Variants in ADCY5 observed in about 807,000 individuals in gnomAD.
The protein encoded by ADCY5 is adenylate cyclase type 5.
ADCY5 carries 30 observed loss-of-function variants against 119.7 expected under a neutral mutation model. That is an observed-to-expected ratio of 0.25 (90% confidence interval 0.19 to 0.34). ADCY5 has a LOEUF of 0.34. ADCY5 is among the 10% of genes least tolerant of loss of function. The pLI, the probability that ADCY5 is intolerant of heterozygous loss-of-function variation, is 1.00. For synonymous variants in ADCY5, 753 were observed against 762.2 expected (o/e 0.99, Z 0.20); for missense variants, 1,324 against 1,775.2 (o/e 0.75, Z 4.57).
chr3:123,428,601 G>A (rs762725286), intron 1 of ADCY5, among the ~76,000 whole-genome samples: 11 of 152,180 alleles, frequency 7.2e-5, no homozygotes, highest in Non-Finnish European at 1.5e-4. Context: ...ACCTCCTGGT[G>A]CAGTGAACAT....
intron 2 of ADCY5, among the ~76,000 whole-genome samples, chr3:123,349,654 C>T (rs1413290024): frequency 2.0e-5 from 3 of 152,172 alleles, no homozygotes; most frequent in African/African-American, 4.8e-5. Context: ...CCCATGTCCC[C>T]CTACCCCCTT....
chr3:123,332,751 T>G, intron 3 of ADCY5, 76 bp from the exon 4 acceptor site: 1 of 994,022 alleles, frequency 1.0e-6, no homozygotes, highest in South Asian at 1.4e-5. Flanking sequence ...CATTACATCT[T>G]TTTTTTCTTT....
intron 12 of ADCY5, among the ~76,000 whole-genome samples, chr3:123,310,450 G>T (rs953076617): frequency 1.3e-5 from 2 of 152,296 alleles, no homozygotes; most frequent in Non-Finnish European, 2.9e-5. Flanking sequence ...TATCCCTGGA[G>T]GTGATCAAGC....
chr3:123,353,161 T>C (rs986428646), intron 1 of ADCY5, among the ~76,000 whole-genome samples: 2 of 152,228 alleles, frequency 1.3e-5, no homozygotes, highest in Non-Finnish European at 2.9e-5. Flanking sequence ...CTGGTCTTTC[T>C]GTTGCCAGCT....
chr3:123,391,265 G>A (rs945228056), intron 1 of ADCY5, among the ~76,000 whole-genome samples: 1 of 152,280 alleles, frequency 6.6e-6, no homozygotes, highest in South Asian at 2.1e-4. Flanking sequence ...TTCAAAGCAC[G>A]TGCCACTCCT....
chr3:123,289,115 A>G (rs183450180), intron 19 of ADCY5, among the ~76,000 whole-genome samples: 1 of 152,340 alleles, frequency 6.6e-6, no homozygotes, highest in Admixed American at 6.5e-5. Context: ...TCACTATCAC[A>G]TGATTCTTTA....
chr3:123,328,623 C>G (rs1483300856), intron 6 of ADCY5, 21 bp downstream of exon 6: 1 of 1,612,096 alleles, frequency 6.2e-7, no homozygotes, highest in Non-Finnish European at 8.5e-7. Flanking sequence ...GGGCCCCAAG[C>G]CACCCACAGC....
intron 11 of ADCY5, among the ~76,000 whole-genome samples, chr3:123,314,908 C>G (rs1028383794): frequency 6.6e-6 from 1 of 150,650 alleles, no homozygotes; most frequent in Non-Finnish European, 1.5e-5. Context: ...GGTCCCACAA[C>G]AAGTCCCGCA....
chr3:123,343,420 T>TTGGGTGG (rs1453301753), intron 3 of ADCY5, among the ~76,000 whole-genome samples: 7 of 152,206 alleles, frequency 4.6e-5, no homozygotes, highest in African/African-American at 1.7e-4. Flanking sequence ...ATTAGGTGCC[T>TTGGGTGG]TGCCCAAGTT....
At chr3:123,317,919 G>A in intron 11 of ADCY5, 101 bp downstream of exon 11, 1 of 1,108,886 alleles carries the variant, frequency 9.0e-7, no homozygotes, top group Non-Finnish European at 1.3e-6. Context: ...AGCAAGTGCA[G>A]GCCAGACTCC....
chr3:123,403,853 T>G (rs1944836187), intron 1 of ADCY5, among the ~76,000 whole-genome samples: 2 of 152,172 alleles, frequency 1.3e-5, no homozygotes, highest in African/African-American at 4.8e-5. Flanking sequence ...TGGCTCTCAA[T>G]CTCATCCCTC....
chr3:123,418,794 G>C (rs539537679), intron 1 of ADCY5: 1 of 152,314 alleles, frequency 6.6e-6, no homozygotes, highest in East Asian at 1.9e-4. Flanking sequence ...ATTCAGGTGG[G>C]CGTTATCAAA....
intron 1 of ADCY5, among the ~76,000 whole-genome samples, chr3:123,395,930 A>AGAAGGAAGGAAGGAAGGAAG (rs909657839): frequency 1.1e-3 from 160 of 146,216 alleles, no homozygotes; most frequent in African/African-American, 3.9e-3. Flanking sequence ...AGGAGTGGAG[A>AGAAGGAAGGAAGGAAGGAAG]GAAGGAAGGA....
chr3:123,393,154 C>T (rs948295515), intron 1 of ADCY5, among the ~76,000 whole-genome samples: 5 of 152,168 alleles, frequency 3.3e-5, no homozygotes, highest in Admixed American at 6.5e-5. Context: ...CAAAAGAGCC[C>T]GGGGTCGAGA....
intron 18 of ADCY5, among the ~76,000 whole-genome samples, chr3:123,290,822 T>C (rs182049915): frequency 1.0e-3 from 156 of 152,288 alleles, no homozygotes; most frequent in African/African-American, 3.7e-3. Context: ...TCAAACAGTG[T>C]GGGCTGAAAC....
intron 1 of ADCY5, among the ~76,000 whole-genome samples, chr3:123,374,883 G>A (rs1468644320): frequency 3.9e-5 from 6 of 152,190 alleles, no homozygotes; most frequent in Admixed American, 1.3e-4. Flanking sequence ...TGACAGAGAC[G>A]GAAAGTTGAG....
intron 1 of ADCY5, among the ~76,000 whole-genome samples, chr3:123,364,099 G>A (rs559591749): frequency 6.6e-6 from 1 of 152,250 alleles, no homozygotes; most frequent in South Asian, 2.1e-4. Context: ...ATTTCAAAAT[G>A]TTAACAGTGA....
intron 1 of ADCY5, among the ~76,000 whole-genome samples, chr3:123,403,467 A>T (rs6794936): frequency 0.57 from 86,111 of 151,498 alleles, 24,721 homozygotes; most frequent in African/African-American, 0.66. Flanking sequence ...CTCCACCACC[A>T]ACGGCCTGTG....
chr3:123,284,864 C>T, intron 20 of ADCY5, 128 bp from the exon 21 acceptor site: 6 of 1,311,092 alleles, frequency 4.6e-6, no homozygotes, highest in South Asian at 2.6e-5. Context: ...GGGGCAGCTG[C>T]CCCACTGAGG....
Sources: allele counts gnomAD v4.1 joint callset (sites outside exome capture counted in the v4.1 genomes callset), GRCh38; gene constraint gnomAD v4.1.1; transcripts MANE v1.5; gene names NCBI Gene and HGNC (gene_info 2026-07-23, HGNC 2026-07-21).